EDA: variants seen among roughly 807,000 people sequenced by gnomAD.
EDA encodes the protein ectodysplasin A.
In EDA, 2 loss-of-function variants were observed where a neutral mutation model predicts 23.6. The ratio of observed to expected loss-of-function variants is 0.08; its 90% confidence interval spans 0.03 to 0.27. The LOEUF is 0.27. Ranked by LOEUF, EDA falls within the 10% of genes least tolerant of loss-of-function variation. The pLI is 1.00. For synonymous variants in EDA, 131 were observed against 132.0 expected, an observed-to-expected ratio of 0.99 and a Z score of 0.05; for missense variants, 229 against 324.2, an observed-to-expected ratio of 0.71 and a Z score of 2.26.
chrX:69,618,117 C>G (rs1483955036), intron 1 of EDA, among the ~76,000 whole-genome samples: 2 of 111,539 alleles, frequency 1.8e-5, no homozygotes, highest in African/African-American at 6.5e-5. Context: ...TACTGCCACT[C>G]CCCCCACACC....
intron 1 of EDA, among the ~76,000 whole-genome samples, chrX:69,674,296 A>G (rs1934007576): frequency 8.9e-6 from 1 of 112,009 alleles, no homozygotes; most frequent in Admixed American, 9.5e-5. Flanking sequence ...GCTAGTATAT[A>G]TGCCTATCAC....
chrX:69,975,465 T>TGGAG (rs1447314828), intron 2 of EDA, among the ~76,000 whole-genome samples: 3 of 108,960 alleles, frequency 2.8e-5, no homozygotes, highest in Admixed American at 9.8e-5. Context: ...GGACTACATG[T>TGGAG]GGAGGGAGGG....
chrX:69,928,567 A>G, intron 1 of EDA, among the ~76,000 whole-genome samples: 1 of 111,960 alleles, frequency 8.9e-6, no homozygotes, highest in Non-Finnish European at 1.9e-5. Flanking sequence ...ATAACTATGA[A>G]TGAAACCCAT....
At chrX:69,711,399 A>G (rs1294670631) in intron 1 of EDA, among the ~76,000 whole-genome samples, 1 of 111,397 alleles carries the variant, frequency 9.0e-6, no homozygotes, top group Non-Finnish European at 1.9e-5. Flanking sequence ...GTTTGCCAGT[A>G]TTTTATTGAG....
chrX:69,662,068 T>A (rs1468636266), intron 1 of EDA, among the ~76,000 whole-genome samples: 1 of 111,552 alleles, frequency 9.0e-6, no homozygotes, highest in African/African-American at 3.3e-5. Flanking sequence ...ATCTCTAGAC[T>A]TGTTTATCCT....
chrX:70,018,609 T>C (rs1299156944), intron 2 of EDA, among the ~76,000 whole-genome samples: 2 of 112,093 alleles, frequency 1.8e-5, no homozygotes, highest in Non-Finnish European at 3.8e-5. Context: ...CAATAAATGG[T>C]GCTGGGATAG....
At chrX:69,688,511 G>A (rs1189211921) in intron 1 of EDA, among the ~76,000 whole-genome samples, 1 of 110,997 alleles carries the variant, frequency 9.0e-6, no homozygotes, top group Non-Finnish European at 1.9e-5. Context: ...AGCAATTCTT[G>A]TGCCTCAGCC....
chrX:69,960,860 A>G (rs2019089468), intron 2 of EDA, among the ~76,000 whole-genome samples: 1 of 108,485 alleles, frequency 9.2e-6, no homozygotes, highest in South Asian at 4.1e-4. Context: ...AAAATACAAA[A>G]AAAAAAAAAA....
At chrX:69,665,354 G>A (rs1933647574) in intron 1 of EDA, among the ~76,000 whole-genome samples, 1 of 111,604 alleles carries the variant, frequency 9.0e-6, no homozygotes. Flanking sequence ...TGTGGCTTGA[G>A]CTTTTAGTGT....
intron 2 of EDA, among the ~76,000 whole-genome samples, chrX:69,971,194 C>T (rs1238134773): frequency 9.0e-6 from 1 of 111,696 alleles, no homozygotes; most frequent in Non-Finnish European, 1.9e-5. Context: ...GTCCTGAGCT[C>T]CCTCACTCAC....
At chrX:69,681,574 A>G (rs1179539696) in intron 1 of EDA, among the ~76,000 whole-genome samples, 2 of 110,570 alleles carry the variant, frequency 1.8e-5, no homozygotes, top group African/African-American at 6.6e-5. Flanking sequence ...CATTCATTTC[A>G]TCTTCCATCA....
chrX:69,969,918 A>G (rs2019225337), intron 2 of EDA, among the ~76,000 whole-genome samples: 1 of 110,906 alleles, frequency 9.0e-6, no homozygotes, highest in Non-Finnish European at 1.9e-5. Context: ...CAGCCGGGGA[A>G]CATAGCAAGA....
chrX:69,735,430 A>G, intron 1 of EDA, among the ~76,000 whole-genome samples: 1 of 112,000 alleles, frequency 8.9e-6, no homozygotes. Flanking sequence ...CAAAAAGACA[A>G]ATACTATTTG....
chrX:69,660,422 A>G (rs745860980), intron 1 of EDA, among the ~76,000 whole-genome samples: 52 of 110,411 alleles, frequency 4.7e-4, no homozygotes, highest in African/African-American at 1.6e-3. Flanking sequence ...TACATGTGCC[A>G]TGTTGGTGTG....
chrX:69,833,949 C>T (rs1448039012), intron 1 of EDA, among the ~76,000 whole-genome samples: 2 of 80,279 alleles, frequency 2.5e-5, no homozygotes, highest in Non-Finnish European at 4.7e-5. Flanking sequence ...CTATCCCACC[C>T]CCCTCCCCCT....
intron 1 of EDA, among the ~76,000 whole-genome samples, chrX:69,802,498 T>G (rs1741626740): frequency 9.0e-6 from 1 of 111,089 alleles, no homozygotes; most frequent in African/African-American, 3.3e-5. Flanking sequence ...ATGTTTTATT[T>G]CTTAAGTTGA....
At chrX:69,720,445 A>G (rs889706215) in intron 1 of EDA, among the ~76,000 whole-genome samples, 2 of 111,890 alleles carry the variant, frequency 1.8e-5, no homozygotes, top group Non-Finnish European at 3.8e-5. Context: ...ATTTTTTTGA[A>G]TATTCATTTT....
At chrX:69,923,591 A>G (rs909741538) in intron 1 of EDA, among the ~76,000 whole-genome samples, 1 of 112,195 alleles carries the variant, frequency 8.9e-6, no homozygotes, top group African/African-American at 3.2e-5. Flanking sequence ...TAGTGCTGCA[A>G]TAAACATACA....
intron 1 of EDA, among the ~76,000 whole-genome samples, chrX:69,825,756 G>C (rs1176931613): frequency 1.8e-5 from 2 of 111,414 alleles, no homozygotes; most frequent in Non-Finnish European, 3.8e-5. Flanking sequence ...GAATGTGTTT[G>C]CTCTTGCTTT....
Sources: gnomAD v4.1 joint callset for allele counts (sites outside exome capture counted in the v4.1 genomes callset) on GRCh38, gnomAD v4.1.1 for gene constraint, MANE v1.5 for transcripts, NCBI Gene and HGNC (gene_info 2026-07-23, HGNC 2026-07-21) for gene names.